KLF3: variants seen among roughly 807,000 people sequenced by gnomAD.
KLF3 encodes the protein Krueppel-like factor 3.
In KLF3, 6 loss-of-function variants were observed where a neutral mutation model predicts 32.7. The observed-to-expected ratio is 0.18, with a 90% CI of 0.10 to 0.36. KLF3 has a LOEUF of 0.36. Among genes scored for constraint, KLF3 ranks in the 10% least tolerant of loss-of-function variants. KLF3 has a pLI of 1.00. For synonymous variants in KLF3, 145 were observed against 172.8 expected, an observed-to-expected ratio of 0.84 and a Z score of 1.26; for missense variants, 338 against 449.7, an observed-to-expected ratio of 0.75 and a Z score of 2.25.
At chr4:38,680,046 A>C (rs1206434689) in intron 1 of KLF3, among the ~76,000 whole-genome samples, 2 of 152,276 alleles carry the variant, frequency 1.3e-5, no homozygotes, top group South Asian at 4.1e-4. Flanking sequence ...GTATTGAGTT[A>C]GAAATGCTGG....
chr4:38,680,245 G>A (rs533072136), intron 1 of KLF3, among the ~76,000 whole-genome samples: 118 of 151,624 alleles, frequency 7.8e-4, no homozygotes, highest in African/African-American at 2.8e-3. Context: ...GTAGTGCCTC[G>A]CTCCATCACC....
intron 2 of KLF3, among the ~76,000 whole-genome samples, chr4:38,687,204 T>C (rs1560418043): frequency 1.3e-5 from 2 of 152,248 alleles, no homozygotes; most frequent in Non-Finnish European, 2.9e-5. Context: ...TGTTTATCAC[T>C]GTCACTGTCA....
intron 4 of KLF3, among the ~76,000 whole-genome samples, chr4:38,691,896 A>C (rs1440826658): frequency 6.6e-6 from 1 of 152,228 alleles, no homozygotes; most frequent in Non-Finnish European, 1.5e-5. Flanking sequence ...GTACCACTGC[A>C]GTGAGGCAGC....
chr4:38,691,185 G>A (rs3796533), intron 4 of KLF3, among the ~76,000 whole-genome samples: 23,305 of 152,182 alleles, frequency 0.15, 2,128 homozygotes, highest in Middle Eastern at 0.29. Flanking sequence ...GTGATTACCT[G>A]AGACATTAGA....
At position 38,688,902 on chromosome 4, in the gene KLF3, A is replaced by G. The variant is rs986351832; in HGVS notation, c.375A>G (p.Pro125=). 3 of 1,614,146 alleles carry G rather than the reference A, an allele frequency of 1.9e-6. No individual in the cohort carries two copies. Among genetic ancestry groups the G allele is most frequent in the South Asian group, 1.1e-5 (1 of 91,082 alleles). The change falls in exon 3 of 6, where the codon CCA becomes CCG. Residue 125 remains proline, a synonymous_variant. Coordinates refer to ENST00000261438, the MANE Select transcript of KLF3 (RefSeq NM_016531.6). The surrounding 1 kb of genome is among the most constrained non-coding windows in gnomAD (Gnocchi z 4.9). ...QPFGVPLSMP[P]VMAAALSRHG... ...TCGGCGTGCCGCTGTCCATGCCACC[A>G]GTGATGGCAGCTGCCCTCTCGCGGC... is the stretch of plus-strand genomic sequence containing the variant.
intron 4 of KLF3, among the ~76,000 whole-genome samples, chr4:38,693,144 G>GTA (rs1264377480): frequency 3.3e-5 from 4 of 120,348 alleles, no homozygotes; most frequent in Non-Finnish European, 5.2e-5. Flanking sequence ...ATATATATGT[G>GTA]TATATATATA....
chr4:38,695,385 C>T (rs1406490566), intron 5 of KLF3, among the ~76,000 whole-genome samples: 1 of 152,158 alleles, frequency 6.6e-6, no homozygotes. Flanking sequence ...TAATATTTGT[C>T]TTCTAAACTT....
At chr4:38,669,686 A>G (rs1722141166) in intron 1 of KLF3, among the ~76,000 whole-genome samples, 1 of 152,018 alleles carries the variant, frequency 6.6e-6, no homozygotes, top group Non-Finnish European at 1.5e-5. Context: ...TGAGGTCAGG[A>G]GTTCGAGACC....
chr4:38,689,290 T>G (rs1209946082), intron 3 of KLF3, among the ~76,000 whole-genome samples: 1 of 152,218 alleles, frequency 6.6e-6, no homozygotes, highest in Non-Finnish European at 1.5e-5. Flanking sequence ...CATGATTACT[T>G]TCACTATGTA....
chr4:38,679,794 T>A lies in KLF3; in HGVS notation c.-39-793T>A, dbSNP rs1273687114. ...TAGGTACTAAATACCATGTACACTA[T>A]GAGCCCAGTTTTAAAGAGGGTTTGT... On this transcript the variant is annotated intron_variant, in intron 1 of 5. Transcript: ENST00000261438. 2.6e-5 allele frequency among the ~76,000 whole-genome samples: 4 copies of A among 152,350 alleles called. No homozygotes were observed. In the East Asian group the frequency reaches 7.7e-4, roughly 29 times the overall value.
chr4:38,680,921 A>T (rs1390971907), intron 2 of KLF3: 1 of 359,818 alleles, frequency 2.8e-6, no homozygotes, highest in African/African-American at 2.1e-5. Flanking sequence ...GTGGTGGCAC[A>T]TGCCTGTAAT....
At chr4:38,691,959 G>A (rs1002132775) in intron 4 of KLF3, among the ~76,000 whole-genome samples, 3 of 152,192 alleles carry the variant, frequency 2.0e-5, no homozygotes, top group Non-Finnish European at 4.4e-5. Context: ...AGACTTAAAA[G>A]TACAGCTTTG....
chr4:38,678,285 AC>A (rs1722410346), intron 1 of KLF3, among the ~76,000 whole-genome samples: 1 of 152,170 alleles, frequency 6.6e-6, no homozygotes, highest in African/African-American at 2.4e-5. Flanking sequence ...GAGGCACTGG[AC>A]AACAATTCTT....
rs999220275 is a variant in KLF3 at position 38,664,390 on chromosome 4, C to T, written c.-111C>T. On this transcript the variant is annotated 5_prime_UTR_variant, in exon 1 of 6. Transcript: ENST00000261438. ...ACTGGAGCCCTGACATTGCTGCGCT[C>T]GGGGGGCTCCAGGCAGCCCGTATCG... The T allele has an allele frequency of 8.5e-5, 13 of 152,050 alleles. No homozygotes were observed. Among genetic ancestry groups the T allele is most frequent in the African/African-American group, 2.4e-4 (10 of 41,430 alleles). The allele number at this position is 152,050 out of a possible 1,614,324, so 9.4% of individuals were successfully genotyped here. A position where few individuals can be genotyped will look rare whatever the true frequency, so the allele number is the denominator to read the frequency against.
intron 2 of KLF3, among the ~76,000 whole-genome samples, chr4:38,686,966 G>A (rs1722721561): frequency 6.6e-6 from 1 of 152,200 alleles, no homozygotes; most frequent in African/African-American, 2.4e-5. Flanking sequence ...GCCCAGAGAG[G>A]AAAGAGGGTG....
intron 1 of KLF3, among the ~76,000 whole-genome samples, chr4:38,672,521 G>A (rs1310428424): frequency 4.6e-5 from 7 of 152,204 alleles, no homozygotes; most frequent in Non-Finnish European, 7.3e-5. Context: ...TAGATAAGCC[G>A]GAAGGGGAGG....
chr4:38,692,694 G>A (rs1722907886), intron 4 of KLF3, among the ~76,000 whole-genome samples: 1 of 152,078 alleles, frequency 6.6e-6, no homozygotes, highest in Non-Finnish European at 1.5e-5. Context: ...GCACCTTTAT[G>A]TGTAAAATAA....
chr4:38,690,852 G>T (rs1421601363), intron 4 of KLF3: 2 of 152,094 alleles, frequency 1.3e-5, no homozygotes, highest in Non-Finnish European at 2.9e-5. Flanking sequence ...CTATTTTATG[G>T]TAACTTCAAA....
rs1022604469 is a variant in KLF3 at position 38,688,414 on chromosome 4, G to A, written c.58-171G>A. On this transcript the variant is annotated intron_variant, in intron 2 of 5. Coordinates refer to ENST00000261438, the MANE Select transcript of KLF3 (RefSeq NM_016531.6). The surrounding 1 kb of genome is among the most constrained non-coding windows in gnomAD (Gnocchi z 4.9). ...CGCCTCTCATAGCATTTTTAATGTT[G>A]AGACCACCTCTTTGAGCATTTTTTT... 6.6e-6 allele frequency among the ~76,000 whole-genome samples: 1 copy of A among 152,082 alleles called. No homozygotes were observed. Among genetic ancestry groups the A allele is most frequent in the African/African-American group, 2.4e-5 (1 of 41,412 alleles).
Sources: gnomAD v4.1 joint callset for allele counts (sites outside exome capture counted in the v4.1 genomes callset) on GRCh38, gnomAD v4.1.1 for gene constraint, Gnocchi (gnomAD v3.1) non-coding constraint, MANE v1.5 for transcripts, NCBI Gene and HGNC (gene_info 2026-07-23, HGNC 2026-07-21) for gene names.